RAB3GAP1: variants seen among roughly 807,000 people sequenced by gnomAD.
The protein encoded by RAB3GAP1 is rab3 GTPase-activating protein catalytic subunit.
A neutral mutation model predicts 130.7 loss-of-function variants in RAB3GAP1; 86 were observed. That is an observed-to-expected ratio of 0.66 (90% CI 0.55 to 0.79). The LOEUF (loss-of-function observed/expected upper bound fraction) is 0.79. RAB3GAP1 is among the 30% of genes least tolerant of loss of function. The probability of loss-of-function intolerance (pLI) is 0.00; values close to 1 mark genes in which losing one functional copy is unlikely to be tolerated. For missense variants in RAB3GAP1, 1,029 were observed against 1,169.4 expected, an observed-to-expected ratio of 0.88 and a Z score of 1.75; for synonymous variants, 367 against 401.7, an observed-to-expected ratio of 0.91 and a Z score of 1.03.
chr2:135,121,746 G>C (rs1353406872), intron 8 of RAB3GAP1, among the ~76,000 whole-genome samples: 2 of 152,018 alleles, frequency 1.3e-5, no homozygotes, highest in African/African-American at 4.8e-5. Context: ...GTTCCAAATA[G>C]TTGGCTATTT....
At chr2:135,109,308 T>C (rs947180012) in intron 5 of RAB3GAP1, among the ~76,000 whole-genome samples, 1 of 152,100 alleles carries the variant, frequency 6.6e-6, no homozygotes, top group Non-Finnish European at 1.5e-5. Context: ...TCCATGAATA[T>C]AGAATATTTC....
intron 5 of RAB3GAP1, among the ~76,000 whole-genome samples, chr2:135,102,153 T>C (rs1690466647): frequency 6.6e-6 from 1 of 152,208 alleles, no homozygotes; most frequent in African/African-American, 2.4e-5. Flanking sequence ...GTGGACCCAG[T>C]ATAATCACAG....
rs533992711 is a variant in RAB3GAP1, at chr2:135,138,189, T to C, written c.1923+2257T>C. Among the ~76,000 whole-genome samples, 4 of 149,790 alleles carry C rather than the reference T, an allele frequency of 2.7e-5. No homozygotes were observed. In the South Asian group the frequency reaches 8.4e-4, roughly 32 times the overall value. ...AATGAAAGAGGCTCAACGCCTGTAA[T>C]CCCAACACTTTGGGAGGCCGAGGTG... is the stretch of plus-strand genomic sequence containing the variant. On this transcript the variant is annotated intron_variant, in intron 17 of 23. Coordinates refer to ENST00000264158, the MANE Select transcript of RAB3GAP1 (RefSeq NM_012233.3).
At chr2:135,079,136 T>C (rs1216963100) in intron 3 of RAB3GAP1, among the ~76,000 whole-genome samples, 1 of 152,132 alleles carries the variant, frequency 6.6e-6, no homozygotes, top group African/African-American at 2.4e-5. Flanking sequence ...CCCACAGTGC[T>C]GGGATTACAG....
downstream of RAB3GAP1, among the ~76,000 whole-genome samples, chr2:135,173,834 A>G (rs1692930619): frequency 6.6e-6 from 1 of 151,850 alleles, no homozygotes; most frequent in Admixed American, 6.6e-5. Context: ...ACTGTAACAG[A>G]TAGGGGTGGG....
At chr2:135,165,115 T>C (rs549361169) in intron 23 of RAB3GAP1, 1 of 455,210 alleles carries the variant, frequency 2.2e-6, no homozygotes, top group East Asian at 7.0e-5. Flanking sequence ...ATAAATATAA[T>C]TGTTCTTGTA....
intron 3 of RAB3GAP1, among the ~76,000 whole-genome samples, chr2:135,081,330 ATAT>A (rs1689802686): frequency 1.3e-4 from 10 of 75,502 alleles, no homozygotes; most frequent in African/African-American, 4.1e-4. Flanking sequence ...AAAAAAAAAT[ATAT>A]ATATATATAT....
At chr2:135,156,036 A>G (rs1347171602) in intron 19 of RAB3GAP1, among the ~76,000 whole-genome samples, 2 of 152,170 alleles carry the variant, frequency 1.3e-5, no homozygotes, top group Non-Finnish European at 2.9e-5. Context: ...AATGTGTTAA[A>G]AATACTACTT....
In RAB3GAP1 at chr2:135,169,741, A is replaced by T; in HGVS notation, c.*960A>T. On this transcript the variant is annotated 3_prime_UTR_variant, in exon 24 of 24. Coordinates refer to ENST00000264158, the MANE Select transcript of RAB3GAP1 (RefSeq NM_012233.3). The stretch of plus-strand genomic sequence containing the variant: ...TTTGCTTTTGTATTTTAGTTAAAAT[A>T]ATCGATGGGGATGTGTAGCCCCCCC... 2.2e-6 allele frequency: 1 copy of T among 456,370 alleles called. No homozygotes were observed. The highest frequency in any genetic ancestry group is 1.5e-5 in the South Asian group (1 of 64,528). The allele number at this position is 456,370 out of a possible 1,614,324, so 28.3% of individuals were successfully genotyped here.
intron 5 of RAB3GAP1, among the ~76,000 whole-genome samples, chr2:135,107,896 A>C (rs554692996): frequency 6.8e-6 from 1 of 147,144 alleles, no homozygotes; most frequent in Non-Finnish European, 1.5e-5. Flanking sequence ...AATCACTTGA[A>C]CCTGGGAGAT....
chr2:135,147,090 A>G (rs1439426641), intron 17 of RAB3GAP1, among the ~76,000 whole-genome samples: 1 of 152,136 alleles, frequency 6.6e-6, no homozygotes, highest in Admixed American at 6.5e-5. Context: ...TCACGCCTGT[A>G]ATCCTAGCAC....
chr2:135,060,004 C>G (rs1689120405), intron 3 of RAB3GAP1, among the ~76,000 whole-genome samples: 1 of 152,106 alleles, frequency 6.6e-6, no homozygotes, highest in African/African-American at 2.4e-5. Context: ...ATTTTCTCCT[C>G]CACTGAGGGG....
At chr2:135,148,904 G>A (rs925117822) in intron 17 of RAB3GAP1, among the ~76,000 whole-genome samples, 11 of 151,918 alleles carry the variant, frequency 7.2e-5, no homozygotes, top group African/African-American at 2.4e-4. Flanking sequence ...TGGTGATCCT[G>A]GGCAAGGCGC....
At chr2:135,111,710 T>A (rs1356857167) in intron 5 of RAB3GAP1, among the ~76,000 whole-genome samples, 2 of 152,332 alleles carry the variant, frequency 1.3e-5, no homozygotes, top group African/African-American at 4.8e-5. Context: ...CTTGTAAACT[T>A]AACTTTAAAG....
At chr2:135,161,465 A>G (rs1176299959) in intron 19 of RAB3GAP1, among the ~76,000 whole-genome samples, 3 of 152,182 alleles carry the variant, frequency 2.0e-5, no homozygotes, top group Non-Finnish European at 4.4e-5. Context: ...GACAAAAGTA[A>G]ACAATATATT....
At chr2:135,167,767 ATTT>A in intron 23 of RAB3GAP1, 2 of 1,408,634 alleles carry the variant, frequency 1.4e-6, no homozygotes, top group East Asian at 5.1e-5. Flanking sequence ...CATCCCTCTA[ATTT>A]CATAAGGTCA....
intron 17 of RAB3GAP1, among the ~76,000 whole-genome samples, chr2:135,139,660 T>TC (rs1691782336): frequency 6.6e-6 from 1 of 152,116 alleles, no homozygotes; most frequent in Non-Finnish European, 1.5e-5. Flanking sequence ...AAAATTCCCA[T>TC]CATCCTAGAA....
intron 3 of RAB3GAP1, among the ~76,000 whole-genome samples, chr2:135,089,135 T>G (rs572160878): frequency 9.9e-5 from 15 of 151,166 alleles, no homozygotes; most frequent in African/African-American, 3.5e-4. Flanking sequence ...CAGCACGATT[T>G]GTTAAATAGG....
At chr2:135,161,829 G>A (rs528347394) in intron 19 of RAB3GAP1, among the ~76,000 whole-genome samples, 3 of 152,174 alleles carry the variant, frequency 2.0e-5, no homozygotes, top group Admixed American at 6.5e-5. Context: ...GGATAAACAC[G>A]AAAATGTGGT....
Sources: allele counts gnomAD v4.1 joint callset (sites outside exome capture counted in the v4.1 genomes callset), GRCh38; gene constraint gnomAD v4.1.1; transcripts MANE v1.5; gene names NCBI Gene and HGNC (gene_info 2026-07-23, HGNC 2026-07-21).